The following SLC4A3 variants were observed in gnomAD, a reference collection of about 807,000 sequenced individuals.
SLC4A3 encodes the protein solute carrier family 4 member 3.
A neutral mutation model predicts 114.2 loss-of-function variants in SLC4A3; 47 were observed. The observed-to-expected ratio is 0.41, with a 90% CI of 0.33 to 0.52. SLC4A3 has a LOEUF of 0.52. SLC4A3 is among the 20% of genes least tolerant of loss of function. The probability of loss-of-function intolerance (pLI) is 0.21; values close to 1 mark genes in which losing one functional copy is unlikely to be tolerated. For synonymous variants in SLC4A3, 693 were observed against 710.3 expected (o/e 0.98, Z 0.39); for missense variants, 1,312 against 1,668.3 (o/e 0.79, Z 3.72).
Position 219,638,024 on chromosome 2 carries a change from C to A in SLC4A3, c.2767-140C>A. On this transcript the variant is annotated intron_variant, in intron 17 of 22. Coordinates refer to ENST00000358055, the MANE Select transcript of SLC4A3 (RefSeq NM_005070.4). This position sits in a 1 kb window ranked among gnomAD's most constrained non-coding sequence, Gnocchi z 7.5. ...ACAACAGCCTCCCAGGCTGCGCTGG[C>A]ACCTGTGGGGTTGAGAGGCACGTGG... 1 of 750,582 alleles carries A rather than the reference C, an allele frequency of 1.3e-6. No individual in the cohort carries two copies. The highest frequency in any genetic ancestry group is 2.3e-6 in the Non-Finnish European group (1 of 437,112). The allele number at this position is 750,582 out of a possible 1,614,324, so 46.5% of individuals were successfully genotyped here. A position where few individuals can be genotyped will look rare whatever the true frequency, so the allele number is the denominator to read the frequency against.
rs1698904511 is a variant in SLC4A3, at chr2:219,631,159, A to G, written c.811+807A>G. ...CTTCAGCTCTGGTTGGACAGAAGCCACCCCGTCCAGGCTCCCACCTTGTAG... is the reference window on the plus strand; with the variant it reads ...CTTCAGCTCTGGTTGGACAGAAGCCGCCCCGTCCAGGCTCCCACCTTGTAG... On this transcript the variant is annotated intron_variant, in intron 6 of 22. Coordinates refer to ENST00000358055, the MANE Select transcript of SLC4A3 (RefSeq NM_005070.4). The surrounding 1 kb of genome is among the most constrained non-coding windows in gnomAD (Gnocchi z 6.3). 1.7e-6 allele frequency: 2 copies of G among 1,181,720 alleles called. No homozygotes were observed. The highest frequency in any genetic ancestry group is 6.1e-5 in the East Asian group (1 of 16,428). The allele number at this position is 1,181,720 out of a possible 1,614,324, so 73.2% of individuals were successfully genotyped here.
chr2:219,637,713 C>T lies in SLC4A3; in HGVS notation c.2668C>T (p.Pro890Ser). The stretch of plus-strand genomic sequence containing the variant: ...GGGCCCCCCCAGCCCGAGGAACCAG[C>T]CCAATACGGCACTGCTCTCACTCAT... ...TEGPPSPRNQ[P>S]NTALLSLILM... The change falls in exon 17 of 23, where the codon CCC becomes TCC. Residue 890 changes from proline to serine, a missense_variant. By Grantham distance (74) the Pro-to-Ser change is moderately conservative. Transcript: ENST00000358055. The surrounding 1 kb of genome is among the most constrained non-coding windows in gnomAD (Gnocchi z 4.6). 1 of 1,613,782 alleles carries T rather than the reference C, an allele frequency of 6.2e-7. No homozygotes were observed. The highest frequency in any genetic ancestry group is 8.5e-7 in the Non-Finnish European group (1 of 1,179,714).
Position 219,635,325 on chromosome 2 carries a change from A to T in SLC4A3, c.1801A>T (p.Ile601Phe). 1 of 1,614,156 alleles carries T rather than the reference A, an allele frequency of 6.2e-7. No individual in the cohort carries two copies. Among genetic ancestry groups the T allele is most frequent in the Non-Finnish European group, 8.5e-7 (1 of 1,180,018 alleles). ...TGACCGGCAAGACCTCCTAAGTGCC[A>T]TCAGCGAGTTCCTGGATGGCAGCAT... ...ADDRQDLLSA[I>F]SEFLDGSIVI... is the part of the protein sequence containing the mutation. Residue 601 changes from isoleucine (I) to phenylalanine (F), a missense_variant, in exon 13 of 23, where the codon ATC becomes TTC. Ile to Phe is a conservative substitution (Grantham distance 21). Around this residue, in one of 4 missense-constraint regions of SLC4A3, gnomAD observed 771 missense variants for 977.7 expected, o/e 0.79. Coordinates refer to ENST00000358055, the MANE Select transcript of SLC4A3 (RefSeq NM_005070.4).
chr2:219,638,237 C>A lies in SLC4A3; in HGVS notation c.2840C>A (p.Thr947Lys). 1.2e-6 allele frequency: 2 copies of A among 1,611,600 alleles called. No homozygotes were observed. The highest frequency in any genetic ancestry group is 1.7e-6 in the Non-Finnish European group (2 of 1,178,620). The change falls in exon 18 of 23, where the codon ACA becomes AAA. Residue 947 changes from threonine (T) to lysine (K), a missense_variant. Around this residue, in one of 4 missense-constraint regions of SLC4A3, gnomAD observed 301 missense variants for 460.7 expected, o/e 0.65. Transcript: ENST00000358055. The surrounding 1 kb of genome is among the most constrained non-coding windows in gnomAD (Gnocchi z 7.5). ...LVMVLVDYSI[T>K]DTYTQKLTVP... ...ATGGTCCTGGTGGATTACTCCATCA[C>A]AGACACCTACACGCAGGTGAGGGAG...
chr2:219,635,211 C>A, intron 12 of SLC4A3, 60 bp from the exon 13 acceptor site: 1 of 1,404,740 alleles, frequency 7.1e-7, no homozygotes, highest in Non-Finnish European at 1.0e-6. Context: ...CGCCTCAAGT[C>A]TCCCTCCTGG....
chr2:219,633,090 G>A, intron 9 of SLC4A3, 81 bp downstream of exon 9: 1 of 1,535,168 alleles, frequency 6.5e-7, no homozygotes. Flanking sequence ...GTGGCTCCCA[G>A]CCTCTGCTTG....
rs771122921 is a variant in SLC4A3, at chr2:219,631,948, C to T, written c.812-20C>T. 2 of 1,574,272 alleles carry T rather than the reference C, an allele frequency of 1.3e-6. No homozygotes were observed. The highest frequency in any genetic ancestry group is 1.2e-5 in the South Asian group (1 of 86,448). On this transcript the variant is annotated intron_variant, in intron 6 of 22. Transcript: ENST00000358055. The surrounding 1 kb of genome is among the most constrained non-coding windows in gnomAD (Gnocchi z 6.3). The stretch of plus-strand genomic sequence containing the variant: ...GCCCCAGCTGGACCTGTGGGACCCC[C>T]AAGCCCATCTTCTCTGCAGGTCACC...
Position 219,629,386 on chromosome 2 carries a change from G to C in SLC4A3, c.460G>C (p.Glu154Gln). 1.3e-6 allele frequency: 2 copies of C among 1,592,244 alleles called. No individual in the cohort carries two copies. Among genetic ancestry groups the C allele is most frequent in the Non-Finnish European group, 1.7e-6 (2 of 1,169,070 alleles). The change falls in exon 4 of 23, where the codon GAG becomes CAG. Residue 154 changes from glutamate to glutamine, a missense_variant. Glu to Gln is a conservative substitution (Grantham distance 29, BLOSUM62 2). Transcript: ENST00000358055. ...EEGESEAEPV[E>Q]PPHSGTPQKA... ...AGGAGAATCTGAGGCAGAACCTGTG[G>C]AGCCCCCCCACTCAGGGACCCCACA...
chr2:219,637,315 A>G lies in SLC4A3; in HGVS notation c.2536-266A>G, dbSNP rs1699155934. On this transcript the variant is annotated intron_variant, in intron 16 of 22. Coordinates refer to ENST00000358055, the MANE Select transcript of SLC4A3 (RefSeq NM_005070.4). The surrounding 1 kb of genome is among the most constrained non-coding windows in gnomAD (Gnocchi z 4.6). The stretch of plus-strand genomic sequence containing the variant: ...CATGTTGTGTGTGTTGTGTGTATGT[A>G]TGTTGTGTGTGTGGTGTGTATGTGG... Among the ~76,000 whole-genome samples the G allele has an allele frequency of 6.8e-6, 1 of 146,920 alleles. No homozygotes were observed. The highest frequency in any genetic ancestry group is 2.2e-4 in the South Asian group (1 of 4,602).
chr2:219,633,072 T>A (rs1698992175), intron 9 of SLC4A3, 63 bp downstream of exon 9: 21 of 1,583,392 alleles, frequency 1.3e-5, no homozygotes, highest in Admixed American at 1.7e-5. Context: ...GAGCACATCC[T>A]CTTCCAAGTG....
Position 219,640,839 on chromosome 2 carries a change from C to A in SLC4A3, c.3498C>A (p.Ile1166=). 1 of 1,612,590 alleles carries A rather than the reference C, an allele frequency of 6.2e-7. No homozygotes were observed. The highest frequency in any genetic ancestry group is 8.5e-7 in the Non-Finnish European group (1 of 1,180,008). Residue 1166 remains isoleucine, a synonymous_variant, in exon 22 of 23, where the codon ATC becomes ATA. Coordinates refer to ENST00000358055, the MANE Select transcript of SLC4A3 (RefSeq NM_005070.4). ...HLFTCIQLGC[I]ALLWVVKSTA... is the part of the protein sequence containing the mutation. ...TCACCTGCATCCAGCTGGGCTGCAT[C>A]GCACTGCTCTGGGTGGTCAAGTCCA...
rs1459823483 is a variant in SLC4A3, at chr2:219,630,866, CT to C, written c.811+515del. Among the ~76,000 whole-genome samples the C allele has an allele frequency of 6.6e-6, 1 of 152,186 alleles. No homozygotes were observed. The highest frequency in any genetic ancestry group is 2.4e-5 in the African/African-American group (1 of 41,444). On this transcript the variant is annotated intron_variant, in intron 6 of 22. Coordinates refer to ENST00000358055, the MANE Select transcript of SLC4A3 (RefSeq NM_005070.4). This position sits in a 1 kb window ranked among gnomAD's most constrained non-coding sequence, Gnocchi z 6.9. ...GCCACCTGTCATCACCCGTGGGGCT[CT>C]GTGCCCAGGCCAGGGGCATCACTGA...
At chr2:219,640,649 T>A (rs766382396) in intron 21 of SLC4A3, 50 bp downstream of exon 21, 1 of 1,592,922 alleles carries the variant, frequency 6.3e-7, no homozygotes, top group Non-Finnish European at 8.6e-7. Flanking sequence ...GGGAAGGGGA[T>A]CCAGAGGGAT....
rs146593729 is a variant in SLC4A3 at position 219,630,187 on chromosome 2, G to A, written c.646G>A (p.Ala216Thr). Residue 216 changes from alanine (A) to threonine (T), a missense_variant, in exon 6 of 23, where the codon GCT becomes ACT. Ala to Thr is a moderately conservative substitution (Grantham distance 58). Coordinates refer to ENST00000358055, the MANE Select transcript of SLC4A3 (RefSeq NM_005070.4). The surrounding 1 kb of genome is among the most constrained non-coding windows in gnomAD (Gnocchi z 6.9). ...PSPRARASRL[A>T]GEKSRPWSPS... ...CCCCCGGGCCCGGGCCTCCCGACTCGCTGGGGAGAAAAGCCGGCCCTGGAG... is the reference window on the plus strand; with the variant it reads ...CCCCCGGGCCCGGGCCTCCCGACTCACTGGGGAGAAAAGCCGGCCCTGGAG... 39 of 1,612,642 alleles carry A rather than the reference G, an allele frequency of 2.4e-5. No individual in the cohort carries two copies. Among genetic ancestry groups the A allele is most frequent in the African/African-American group, 2.3e-4 (17 of 75,028 alleles).
At position 219,628,705 on chromosome 2, in the gene SLC4A3, C is replaced by T; in HGVS notation, c.217+135C>T. On this transcript the variant is annotated intron_variant, in intron 3 of 22. Transcript: ENST00000358055. The surrounding 1 kb of genome is among the most constrained non-coding windows in gnomAD (Gnocchi z 4.8). ...ACACTGTGCTGGACTCTGTGCTGGGCCACATGCCGTGTTCAGTCATCCTGC... is the reference window on the plus strand; with the variant it reads ...ACACTGTGCTGGACTCTGTGCTGGGTCACATGCCGTGTTCAGTCATCCTGC... 1 of 920,126 alleles carries T rather than the reference C, an allele frequency of 1.1e-6. No individual in the cohort carries two copies. Among genetic ancestry groups the T allele is most frequent in the East Asian group, 2.7e-5 (1 of 37,540 alleles). The allele number at this position is 920,126 out of a possible 1,614,324, so 57.0% of individuals were successfully genotyped here. A position where few individuals can be genotyped will look rare whatever the true frequency, so the allele number is the denominator to read the frequency against.
rs752565869 is a variant in SLC4A3 at position 219,640,530 on chromosome 2, G to C, written c.3378G>C (p.Gln1126His). Residue 1126 changes from glutamine to histidine, a missense_variant, in exon 21 of 23, where the codon CAG becomes CAC. Physicochemically the swap from Gln to His is conservative, Grantham distance 24. Transcript: ENST00000358055. Reference protein sequence around the residue: ...YMGVTSLSGIQLSQRLLLILM... With the variant: ...YMGVTSLSGIHLSQRLLLILM... ...GGGTCACGTCCCTGTCTGGTATCCA[G>C]CTGTCCCAGCGTTTGTTGCTCATCC... is the stretch of plus-strand genomic sequence containing the variant. 17 of 1,614,038 alleles carry C rather than the reference G, an allele frequency of 1.1e-5. No individual in the cohort carries two copies.
At chr2:219,633,827 C>T in intron 10 of SLC4A3, 53 bp from the exon 11 acceptor site, 1 of 1,549,892 alleles carries the variant, frequency 6.5e-7, no homozygotes, top group South Asian at 1.2e-5. Flanking sequence ...CTGGGAGGGC[C>T]TGCCACGGCC....
rs1234715712 is a variant in SLC4A3 at position 219,633,344 on chromosome 2, C to G, written c.1348C>G (p.Leu450Val). Residue 450 changes from leucine (L) to valine (V), a missense_variant, in exon 10 of 23, where the codon CTG becomes GTG. Physicochemically the swap from Leu to Val is conservative, Grantham distance 32. Around this residue, in one of 4 missense-constraint regions of SLC4A3, gnomAD observed 771 missense variants for 977.7 expected, o/e 0.79. Coordinates refer to ENST00000358055, the MANE Select transcript of SLC4A3 (RefSeq NM_005070.4). ...NPSSSSMNSVLGNHHPTPSHG... is the reference protein window; with the variant it reads ...NPSSSSMNSVVGNHHPTPSHG... ...ATCGAGCTCCAGCATGAACTCGGTT[C>G]TGGGGAATCATCACCCAACTCCCAG... 6.2e-7 allele frequency: 1 copy of G among 1,607,612 alleles called. No individual in the cohort carries two copies. The highest frequency in any genetic ancestry group is 8.5e-7 in the Non-Finnish European group (1 of 1,175,772).
chr2:219,635,915 T>C lies in SLC4A3; in HGVS notation c.2191+24T>C, dbSNP rs111889977. 1.2e-3 allele frequency: 1,724 copies of C among 1,462,366 alleles called. 20 individuals carry two copies. The African/African-American group carries it at 0.021, about 18-fold the overall frequency. 90.6% of individuals were successfully genotyped at this position (1,462,366 alleles called of 1,614,324 possible). Reference sequence around the variant, plus strand: ...GGGTAAGGGACTGGGGCTTGGGGAGTTGAGGGGCTCCTCTAGTCACTTCTG... The same window carrying C: ...GGGTAAGGGACTGGGGCTTGGGGAGCTGAGGGGCTCCTCTAGTCACTTCTG... On this transcript the variant is annotated intron_variant, in intron 14 of 22. Transcript: ENST00000358055.
Sources: allele counts gnomAD v4.1 joint callset (sites outside exome capture counted in the v4.1 genomes callset), GRCh38; gene constraint gnomAD v4.1.1; regional missense constraint gnomAD v4.1.1; non-coding constraint Gnocchi (gnomAD v3.1); transcripts MANE v1.5; gene names NCBI Gene and HGNC (gene_info 2026-07-23, HGNC 2026-07-21).